The following JMJD1C variants were observed in gnomAD, a reference collection of about 807,000 sequenced individuals.
The protein encoded by JMJD1C is jumonji domain-containing protein 1C.
JMJD1C carries 31 observed loss-of-function variants against 245.3 expected under a neutral mutation model. That is an observed-to-expected ratio of 0.13 (90% CI 0.09 to 0.17). JMJD1C has a LOEUF of 0.17. Among genes scored for constraint, JMJD1C ranks in the 10% least tolerant of loss-of-function variants. The pLI, the probability that JMJD1C is intolerant of heterozygous loss-of-function variation, is 1.00. For synonymous variants in JMJD1C, 1,057 were observed against 1,017.4 expected, an observed-to-expected ratio of 1.04 and a Z score of -0.74; for missense variants, 2,691 against 3,000.2, an observed-to-expected ratio of 0.90 and a Z score of 2.41.
chr10:63,319,017 C>T (rs4518976), intron 2 of JMJD1C, among the ~76,000 whole-genome samples: 101,041 of 151,856 alleles, frequency 0.67, 36,191 homozygotes, highest in Non-Finnish European at 0.81. Flanking sequence ...TCCCAGCACT[C>T]TGGGAGGCCA....
chr10:63,286,768 C>CAGCT (rs1424549625), intron 2 of JMJD1C, among the ~76,000 whole-genome samples: 1 of 152,198 alleles, frequency 6.6e-6, no homozygotes, highest in African/African-American at 2.4e-5. Flanking sequence ...AAATATCAAG[C>CAGCT]AGCTAAATCA....
chr10:63,218,721 A>T (rs537878063), intron 4 of JMJD1C, among the ~76,000 whole-genome samples: 2 of 152,130 alleles, frequency 1.3e-5, no homozygotes, highest in Non-Finnish European at 2.9e-5. Flanking sequence ...ATTATTTTTT[A>T]AAAATTTGCC....
intron 4 of JMJD1C, among the ~76,000 whole-genome samples, chr10:63,219,266 A>G (rs947671781): frequency 3.9e-5 from 6 of 152,298 alleles, no homozygotes; most frequent in African/African-American, 1.4e-4. Context: ...AGATATGGGA[A>G]TTTAACAACA....
At chr10:63,513,505 T>C (rs1292198811) in intron 1 of JMJD1C, among the ~76,000 whole-genome samples, 1 of 152,116 alleles carries the variant, frequency 6.6e-6, no homozygotes. Flanking sequence ...GAAGAAACTA[T>C]CAAGTTAGAA....
intron 10 of JMJD1C, chr10:63,204,838 A>C (rs1846410249): frequency 2.0e-6 from 2 of 985,074 alleles, no homozygotes; most frequent in Non-Finnish European, 2.4e-6. Context: ...CCTCTCCTTC[A>C]CTTTGCCTCT....
Position 63,183,525 on chromosome 10 carries a change from G to T in JMJD1C, c.7006C>A (p.His2336Asn). 6.2e-7 allele frequency: 1 copy of T among 1,605,654 alleles called. No homozygotes were observed. The highest frequency in any genetic ancestry group is 8.5e-7 in the Non-Finnish European group (1 of 1,174,710). The change falls in exon 22 of 26, where the codon CAT becomes AAT. Residue 2336 changes from histidine (H) to asparagine (N), a missense_variant. His to Asn is a moderately conservative substitution (Grantham distance 68, BLOSUM62 1). This residue lies in a region of JMJD1C where 232 missense variants were observed against 416.1 expected (regional missense o/e 0.56). Transcript: ENST00000399262. ...KDHDIGTTNL[H>N]IEVSDVVNIL... ...TTTACAACATCAGAAACTTCAATATGGAGATTTGTTGTTCCTATATCATGA... is the reference window on the plus strand; with the variant it reads ...TTTACAACATCAGAAACTTCAATATTGAGATTTGTTGTTCCTATATCATGA...
In JMJD1C at chr10:63,168,029, T is replaced by C. The variant is rs375638065; in HGVS notation, c.*16A>G. ...ATCCCAGTTCAACAACCTAAAAATA[T>C]CAAACTGGATCACACTTAATTTTCT... On this transcript the variant is annotated 3_prime_UTR_variant, in exon 26 of 26. Coordinates refer to ENST00000399262, the MANE Select transcript of JMJD1C (RefSeq NM_032776.3). 3 of 1,431,318 alleles carry C rather than the reference T, an allele frequency of 2.1e-6. No individual in the cohort carries two copies. In the African/African-American group the frequency reaches 4.2e-5, roughly 20 times the overall value. The allele number at this position is 1,431,318 out of a possible 1,614,324, so 88.7% of individuals were successfully genotyped here. A position where few individuals can be genotyped will look rare whatever the true frequency, so the allele number is the denominator to read the frequency against.
intron 1 of JMJD1C, among the ~76,000 whole-genome samples, chr10:63,476,954 AATATT>A (rs1207385816): frequency 6.6e-6 from 1 of 152,094 alleles, no homozygotes; most frequent in East Asian, 1.9e-4. Context: ...AGATTCTACA[AATATT>A]AGAAGGATAA....
Position 63,185,591 on chromosome 10 carries a change from C to G in JMJD1C, c.6802G>C (p.Glu2268Gln). ...VLKLKDWPSGEDFKTMMPARY... is the reference protein window; with the variant it reads ...VLKLKDWPSGQDFKTMMPARY... ...GCTGGCATCATAGTCTTGAAGTCTT[C>G]TCCTGAAGGCCAGTCTTTCAATTTT... is the stretch of plus-strand genomic sequence containing the variant. Residue 2268 changes from glutamate (E) to glutamine (Q), a missense_variant, in exon 20 of 26, where the codon GAA becomes CAA. Around this residue, in one of 9 missense-constraint regions of JMJD1C, gnomAD observed 232 missense variants for 416.1 expected, o/e 0.56. Transcript: ENST00000399262. The G allele has an allele frequency of 1.2e-6, 2 of 1,606,490 alleles. No homozygotes were observed. The highest frequency in any genetic ancestry group is 1.7e-6 in the Non-Finnish European group (2 of 1,173,064).
chr10:63,448,283 A>G (rs944909711), intron 1 of JMJD1C, among the ~76,000 whole-genome samples: 11 of 152,052 alleles, frequency 7.2e-5, no homozygotes, highest in Admixed American at 6.6e-4. Context: ...CAGCCTCTCA[A>G]GTAGCTGGGA....
intron 10 of JMJD1C, chr10:63,204,328 G>GA (rs1453597600): frequency 1.0e-6 from 1 of 984,906 alleles, no homozygotes; most frequent in African/African-American, 1.8e-5. Context: ...CAACCTGGGG[G>GA]AAAAAAAGGC....
Position 63,168,246 on chromosome 10 carries a change from A to C in JMJD1C, c.7534-112T>G. 3 of 1,022,304 alleles carry C rather than the reference A, an allele frequency of 2.9e-6. No homozygotes were observed. The South Asian group carries it at 4.5e-5, about 15-fold the overall frequency. The allele number at this position is 1,022,304 out of a possible 1,614,324, so 63.3% of individuals were successfully genotyped here. A position where few individuals can be genotyped will look rare whatever the true frequency, so the allele number is the denominator to read the frequency against. On this transcript the variant is annotated intron_variant, in intron 25 of 25. Coordinates refer to ENST00000399262, the MANE Select transcript of JMJD1C (RefSeq NM_032776.3). ...GGGAACTAGGAAAGCCAAATATAAG[A>C]AAAATGTTTGAAAGTGTTAAGCCAA...
intron 2 of JMJD1C, among the ~76,000 whole-genome samples, chr10:63,337,314 C>T (rs1323691104): frequency 2.0e-5 from 3 of 150,538 alleles, no homozygotes; most frequent in African/African-American, 4.9e-5. Flanking sequence ...TGGTGGCACA[C>T]GCCTGTAGTA....
intron 1 of JMJD1C, among the ~76,000 whole-genome samples, chr10:63,427,000 A>G (rs1950479236): frequency 6.6e-6 from 1 of 152,248 alleles, no homozygotes; most frequent in Non-Finnish European, 1.5e-5. Context: ...ACAGATTTAA[A>G]AATAACTTTA....
chr10:63,285,107 T>A (rs1248422056), intron 2 of JMJD1C, among the ~76,000 whole-genome samples: 1 of 152,184 alleles, frequency 6.6e-6, no homozygotes, highest in Non-Finnish European at 1.5e-5. Context: ...AACCAGTTTG[T>A]GACCAAACTG....
intron 2 of JMJD1C, among the ~76,000 whole-genome samples, chr10:63,347,407 C>A (rs1238127607): frequency 3.3e-5 from 5 of 150,206 alleles, no homozygotes; most frequent in Admixed American, 1.3e-4. Flanking sequence ...CATGGTGAAA[C>A]CCCGACTCTA....
intron 1 of JMJD1C, among the ~76,000 whole-genome samples, chr10:63,455,403 T>C (rs1407613606): frequency 1.3e-5 from 2 of 152,226 alleles, no homozygotes; most frequent in East Asian, 3.8e-4. Flanking sequence ...TTGACAATCA[T>C]GAACTTTAGT....
At chr10:63,373,053 C>A (rs10995521) in intron 2 of JMJD1C, 1 of 189,382 alleles carries the variant, frequency 5.3e-6, no homozygotes, top group Non-Finnish European at 1.3e-5. Context: ...GTAGGTGATT[C>A]GTTGATTTCA....
At chr10:63,179,134 G>C (rs994647129) in intron 22 of JMJD1C, among the ~76,000 whole-genome samples, 2 of 152,108 alleles carry the variant, frequency 1.3e-5, no homozygotes, top group African/African-American at 4.8e-5. Context: ...ATGTGTGGCC[G>C]GGCGTGGGAT....
Sources: allele counts gnomAD v4.1 joint callset (sites outside exome capture counted in the v4.1 genomes callset), GRCh38; gene constraint gnomAD v4.1.1; regional missense constraint gnomAD v4.1.1; transcripts MANE v1.5; gene names NCBI Gene and HGNC (gene_info 2026-07-23, HGNC 2026-07-21).